CAST: variants seen among roughly 807,000 people sequenced by gnomAD.
CAST encodes calpastatin.
In CAST, 76 loss-of-function variants were observed where a neutral mutation model predicts 119.6. The observed-to-expected ratio is 0.64, with a 90% CI of 0.53 to 0.77. The LOEUF is 0.77. Among genes scored for constraint, CAST ranks in the 30% least tolerant of loss-of-function variants. The pLI is 0.00. For missense variants in CAST, 953 were observed against 946.5 expected (o/e 1.01, Z -0.09); for synonymous variants, 319 against 331.6 (o/e 0.96, Z 0.41).
At position 96,583,215 on chromosome 5, in the gene CAST, CT is replaced by C. The variant is rs202088988; in HGVS notation, c.60+53348del. Among the ~76,000 whole-genome samples, 429 of 143,060 alleles carry C rather than the reference CT, an allele frequency of 3.0e-3. 2 individuals carry two copies. Among genetic ancestry groups the C allele is most frequent in the African/African-American group, 4.4e-3 (172 of 39,174 alleles). 93.9% of individuals were successfully genotyped at this position (143,060 alleles called of 152,430 possible). A position where few individuals can be genotyped will look rare whatever the true frequency, so the allele number is the denominator to read the frequency against. On this transcript the variant is annotated intron_variant, in intron 1 of 11. Transcript: ENST00000505143. The stretch of plus-strand genomic sequence containing the variant: ...AATTGGATAATTTTCTTCTCTTATT[CT>C]TTTTTTTTTTTTACTGTATTTTTTT...
chr5:96,006,459 A>G, the CAST span, among the ~76,000 whole-genome samples: 1 of 152,106 alleles, frequency 6.6e-6, no homozygotes, highest in Non-Finnish European at 1.5e-5. Context: ...CCAAGCCCAC[A>G]CATGCAGCCT....
At chr5:96,463,760 G>A in the CAST span, among the ~76,000 whole-genome samples, 1 of 151,958 alleles carries the variant, frequency 6.6e-6, no homozygotes, top group Admixed American at 6.6e-5. Context: ...ATCTGTCTCT[G>A]CTTCTGCTTC....
chr5:96,432,868 C>T, the CAST span: 1 of 1,613,414 alleles, frequency 6.2e-7, no homozygotes, highest in South Asian at 1.1e-5. Context: ...CTTACCTGAC[C>T]CAAAAGGTCA....
rs1281921018 is a variant in CAST at position 96,736,220 on chromosome 5, C to A, written c.679C>A (p.Pro227Thr). The A allele has an allele frequency of 6.2e-6, 10 of 1,611,460 alleles. No homozygotes were observed. The highest frequency in any genetic ancestry group is 8.5e-6 in the Non-Finnish European group (10 of 1,178,144). The change falls in exon 10 of 32, where the codon CCG becomes ACG. Residue 227 changes from proline (P) to threonine (T), a missense_variant. Transcript: ENST00000675179. Reference sequence around the variant, plus strand: ...CCCAGCTGTGCCAGTTGAATCTAAACCGGATAAACCATCGGGAAAGGTATG... The same window carrying A: ...CCCAGCTGTGCCAGTTGAATCTAAAACGGATAAACCATCGGGAAAGGTATG... ...LTPAVPVESKPDKPSGKSGMD... is the reference protein window; with the variant it reads ...LTPAVPVESKTDKPSGKSGMD...
chr5:96,251,036 A>C, the CAST span, among the ~76,000 whole-genome samples: 1 of 152,208 alleles, frequency 6.6e-6, no homozygotes, highest in African/African-American at 2.4e-5. Context: ...GAAAAGGTAC[A>C]GAGAAGCCCT....
At chr5:96,494,928 T>C in the CAST span, among the ~76,000 whole-genome samples, 1,763 of 151,938 alleles carry the variant, frequency 0.012, 34 homozygotes, top group African/African-American at 0.039. Flanking sequence ...CCATCCTGGC[T>C]AACACAGTGA....
chr5:96,124,811 A>AT, the CAST span, among the ~76,000 whole-genome samples: 4 of 152,128 alleles, frequency 2.6e-5, no homozygotes, highest in African/African-American at 7.2e-5. Context: ...AAACAATGAA[A>AT]TTTTTTTACA....
At chr5:96,651,819 G>T (rs1379200217) in intron 1 of CAST, among the ~76,000 whole-genome samples, 1 of 152,136 alleles carries the variant, frequency 6.6e-6, no homozygotes, top group Non-Finnish European at 1.5e-5. Context: ...ATTGTCTCCT[G>T]TTCTGTGCCA....
At chr5:96,052,614 A>G in the CAST span, among the ~76,000 whole-genome samples, 1 of 152,236 alleles carries the variant, frequency 6.6e-6, no homozygotes, top group Non-Finnish European at 1.5e-5. Flanking sequence ...GCCAACTGGC[A>G]AAAAATGGTA....
chr5:96,770,520 CT>C lies in CAST; in HGVS notation c.2269-8del. 6.2e-7 allele frequency: 1 copy of C among 1,601,906 alleles called. No homozygotes were observed. The highest frequency in any genetic ancestry group is 8.6e-7 in the Non-Finnish European group (1 of 1,169,256). On this transcript the variant is annotated splice_polypyrimidine_tract_variant and intron_variant, in intron 29 of 31. Coordinates refer to ENST00000675179, the MANE Select transcript of CAST (RefSeq NM_001750.7). ...GATAGCCATAGCCTCATTACATTTC[CT>C]TTGCTTTAGGATAAGTGCAAGAAGG...
At chr5:96,256,181 A>G in the CAST span, among the ~76,000 whole-genome samples, 3 of 148,882 alleles carry the variant, frequency 2.0e-5, no homozygotes, top group Non-Finnish European at 4.5e-5. Flanking sequence ...TTATATTTAC[A>G]TAGTATATAT....
At chr5:96,429,234 CT>C in the CAST span, 1 of 1,571,242 alleles carries the variant, frequency 6.4e-7, no homozygotes, top group Non-Finnish European at 8.8e-7. Context: ...CAGATAATCT[CT>C]TAGTGATATG....
At chr5:96,153,942 G>T in the CAST span, among the ~76,000 whole-genome samples, 1 of 152,092 alleles carries the variant, frequency 6.6e-6, no homozygotes, top group Non-Finnish European at 1.5e-5. Flanking sequence ...TTGAGGCAGG[G>T]TCTCAATATG....
chr5:96,553,061 GA>G (rs763210902), intron 1 of CAST, among the ~76,000 whole-genome samples: 35 of 152,190 alleles, frequency 2.3e-4, no homozygotes, highest in Non-Finnish European at 4.7e-4. Context: ...CTCATTTTAT[GA>G]GGCCAGCATC....
At chr5:96,448,941 C>T in the CAST span, among the ~76,000 whole-genome samples, 1 of 152,092 alleles carries the variant, frequency 6.6e-6, no homozygotes, top group Non-Finnish European at 1.5e-5. Context: ...TTAGTTTATA[C>T]ACCTAGTTAG....
At chr5:96,334,194 G>T in the CAST span, among the ~76,000 whole-genome samples, 2 of 152,100 alleles carry the variant, frequency 1.3e-5, no homozygotes, top group Non-Finnish European at 2.9e-5. Flanking sequence ...GTGTGGCAAG[G>T]GTCAGTAGCA....
the CAST span, among the ~76,000 whole-genome samples, chr5:96,408,576 G>A: frequency 6.6e-6 from 1 of 152,150 alleles, no homozygotes; most frequent in African/African-American, 2.4e-5. Context: ...CTCCCACTAC[G>A]AATATTTTCT....
chr5:96,569,715 C>A (rs1018518768), intron 1 of CAST, among the ~76,000 whole-genome samples: 4 of 152,224 alleles, frequency 2.6e-5, no homozygotes, highest in Non-Finnish European at 4.4e-5. Context: ...CAGCACTAAA[C>A]AAGTCATCCA....
chr5:96,766,261 C>T, intron 27 of CAST, 116 bp downstream of exon 27: 1 of 616,334 alleles, frequency 1.6e-6, no homozygotes, highest in Non-Finnish European at 2.9e-6. Context: ...CATACCATGA[C>T]TGACTGCTTC....
Sources: allele counts gnomAD v4.1 joint callset (sites outside exome capture counted in the v4.1 genomes callset), GRCh38; gene constraint gnomAD v4.1.1; transcripts MANE v1.5; gene names NCBI Gene and HGNC (gene_info 2026-07-23, HGNC 2026-07-21).